Variants in RBM25 observed in about 807,000 individuals in gnomAD.
RBM25 encodes the protein RNA-binding protein 25.
RBM25 carries 19 observed loss-of-function variants against 120.7 expected under a neutral mutation model. That is an observed-to-expected ratio of 0.16 (90% confidence interval 0.11 to 0.23). The LOEUF (loss-of-function observed/expected upper bound fraction) is 0.23, where lower values mean the gene tolerates loss of function less well. RBM25 is among the 10% of genes least tolerant of loss of function. The pLI is 1.00. For missense variants in RBM25, 605 were observed against 1,041.5 expected (o/e 0.58, Z 5.77); for synonymous variants, 390 against 326.7 (o/e 1.19, Z -2.09).
chr14:73,111,249 T>TG (rs1896305308), intron 15 of RBM25, 94 bp downstream of exon 15: 11 of 1,114,190 alleles, frequency 9.9e-6, no homozygotes, highest in South Asian at 4.9e-5. Context: ...TATTTGTGCT[T>TG]GGTTAGGTAG....
chr14:73,103,579 T>A, intron 10 of RBM25, 101 bp downstream of exon 10: 1 of 1,468,736 alleles, frequency 6.8e-7, no homozygotes, highest in Non-Finnish European at 9.0e-7. Context: ...AACTTTTGTG[T>A]GTGTGTGAGA....
chr14:73,073,743 T>G (rs761710217), intron 2 of RBM25, among the ~76,000 whole-genome samples: 6 of 152,236 alleles, frequency 3.9e-5, no homozygotes, highest in Non-Finnish European at 8.8e-5. Flanking sequence ...TGGAATAGAA[T>G]GCAGTACTTT....
Position 73,106,059 on chromosome 14 carries a change from A to G in RBM25, c.1355A>G (p.Glu452Gly). ...AGAAAACTTGAAAGAAAACTCCGAGAGAAAGAAGCTGCTTATCAAGAGGTA... is the reference window on the plus strand; with the variant it reads ...AGAAAACTTGAAAGAAAACTCCGAGGGAAAGAAGCTGCTTATCAAGAGGTA... ...ERRKLERKLR[E>G]KEAAYQERLK... The change falls in exon 11 of 19, where the codon GAG becomes GGG. Residue 452 changes from glutamate to glycine, a missense_variant. Around this residue, in one of 4 missense-constraint regions of RBM25, gnomAD observed 465 missense variants for 741.6 expected, o/e 0.63. Coordinates refer to ENST00000261973, the MANE Select transcript of RBM25 (RefSeq NM_021239.3). The G allele has an allele frequency of 6.2e-7, 1 of 1,609,076 alleles. No individual in the cohort carries two copies. The highest frequency in any genetic ancestry group is 8.5e-7 in the Non-Finnish European group (1 of 1,178,966).
intron 18 of RBM25, 125 bp from the exon 19 acceptor site, chr14:73,119,588 A>T: frequency 1.3e-6 from 2 of 1,509,994 alleles, no homozygotes; most frequent in Non-Finnish European, 1.8e-6. Flanking sequence ...TAAAATCTTA[A>T]CTAGCATTTA....
intron 12 of RBM25, 113 bp from the exon 13 acceptor site, chr14:73,107,709 TCTCC>T: frequency 2.7e-6 from 2 of 729,338 alleles, no homozygotes; most frequent in Non-Finnish European, 4.7e-6. Context: ...TTCCTATAAG[TCTCC>T]CTCTTACTCT....
rs1409621104 is a variant in RBM25 at position 73,112,108 on chromosome 14, C to T, written c.2293-44C>T. 3 of 1,496,974 alleles carry T rather than the reference C, an allele frequency of 2.0e-6. No individual in the cohort carries two copies. In the African/African-American group the frequency reaches 4.2e-5, roughly 21 times the overall value. 92.7% of individuals were successfully genotyped at this position (1,496,974 alleles called of 1,614,324 possible). A position where few individuals can be genotyped will look rare whatever the true frequency, so the allele number is the denominator to read the frequency against. ...CATGAAGCTTTAATAACTGTTATAGCAAGTTACAATTCTTTAATTCAGTAA... is the reference window on the plus strand; with the variant it reads ...CATGAAGCTTTAATAACTGTTATAGTAAGTTACAATTCTTTAATTCAGTAA... On this transcript the variant is annotated intron_variant, in intron 16 of 18. Transcript: ENST00000261973.
In RBM25 at chr14:73,103,986, A is replaced by ACT. The variant is rs1566597544; in HGVS notation, c.1154+509_1154+510insTC. On this transcript the variant is annotated intron_variant, in intron 10 of 18. Coordinates refer to ENST00000261973, the MANE Select transcript of RBM25 (RefSeq NM_021239.3). ...CACACACACACACACACACACACACACACACACACTCTCTCTCTCTCTCTC... is the reference window on the plus strand; with the variant it reads ...CACACACACACACACACACACACACACTCACACACACTCTCTCTCTCTCTCTC... 4.2e-3 allele frequency among the ~76,000 whole-genome samples: 491 copies of ACT among 117,786 alleles called. 5 individuals carry two copies. The highest frequency in any genetic ancestry group is 0.017 in the African/African-American group (474 of 28,440). 77.3% of individuals were successfully genotyped at this position (117,786 alleles called of 152,430 possible).
chr14:73,066,453 A>G (rs527960745), intron 1 of RBM25, among the ~76,000 whole-genome samples: 3 of 152,236 alleles, frequency 2.0e-5, no homozygotes, highest in African/African-American at 7.2e-5. Context: ...CTGGCCATAC[A>G]TGGTGAAACC....
At position 73,103,472 on chromosome 14, in the gene RBM25, G is replaced by T; in HGVS notation, c.1148G>T (p.Arg383Leu). ...TCAGATCGTAATAAGGATCGCAGTC[G>T]ATCAAGGTAAGGCTTTACAGAAGTT... ...RSSDRNKDRS[R>L]SREKSRDRER... The change falls in exon 10 of 19, where the codon CGA becomes CTA. Residue 383 changes from arginine (R) to leucine (L), a missense_variant. Physicochemically the swap from Arg to Leu is moderately radical, Grantham distance 102 (BLOSUM62 -2). Coordinates refer to ENST00000261973, the MANE Select transcript of RBM25 (RefSeq NM_021239.3). The T allele has an allele frequency of 6.3e-7, 1 of 1,592,886 alleles. No individual in the cohort carries two copies. Among genetic ancestry groups the T allele is most frequent in the Non-Finnish European group, 8.5e-7 (1 of 1,170,848 alleles).
intron 5 of RBM25, among the ~76,000 whole-genome samples, chr14:73,086,545 A>G (rs1047789797): frequency 9.9e-5 from 15 of 152,030 alleles, no homozygotes; most frequent in Admixed American, 7.2e-4. Context: ...GTTTTGTCAT[A>G]TATTTGTATC....
At chr14:73,076,506 A>G in intron 3 of RBM25, 138 bp downstream of exon 3, 2 of 739,802 alleles carry the variant, frequency 2.7e-6, no homozygotes, top group Non-Finnish European at 4.4e-6. Flanking sequence ...TGTAGAGCAT[A>G]TCATTTATTT....
chr14:73,093,673 A>G (rs930481550), intron 6 of RBM25, among the ~76,000 whole-genome samples: 17 of 151,228 alleles, frequency 1.1e-4, no homozygotes, highest in Non-Finnish European at 1.9e-4. Context: ...CGCCTGGCTA[A>G]TTTTTTGTAT....
intron 6 of RBM25, among the ~76,000 whole-genome samples, chr14:73,092,575 T>C (rs563052855): frequency 6.6e-6 from 1 of 151,266 alleles, no homozygotes; most frequent in South Asian, 2.1e-4. Flanking sequence ...TAAATTTTCT[T>C]GCCTTTTTTT....
At chr14:73,109,302 CG>C in intron 13 of RBM25, 39 bp from the exon 14 acceptor site, 1 of 1,584,720 alleles carries the variant, frequency 6.3e-7, no homozygotes, top group Non-Finnish European at 8.6e-7. Flanking sequence ...TCTCAATGAT[CG>C]GAGTATTAAA....
At chr14:73,118,834 T>C (rs1896487189) in intron 18 of RBM25, among the ~76,000 whole-genome samples, 1 of 152,134 alleles carries the variant, frequency 6.6e-6, no homozygotes. Context: ...AGTGGCATGA[T>C]CTTGGCTCAC....
chr14:73,080,999 A>G (rs181068684), intron 4 of RBM25, among the ~76,000 whole-genome samples: 2 of 149,878 alleles, frequency 1.3e-5, no homozygotes, highest in Admixed American at 6.6e-5. Flanking sequence ...TAATTTTTGT[A>G]TTTTCAGTAG....
chr14:73,092,240 T>A (rs1594917514), intron 6 of RBM25, among the ~76,000 whole-genome samples: 1 of 112,372 alleles, frequency 8.9e-6, no homozygotes, highest in African/African-American at 3.4e-5. Flanking sequence ...AGTCGGAGAG[T>A]GAGAGATTGG....
intron 5 of RBM25, among the ~76,000 whole-genome samples, chr14:73,085,681 A>G (rs569088853): frequency 2.6e-5 from 4 of 151,124 alleles, no homozygotes; most frequent in Non-Finnish European, 5.9e-5. Flanking sequence ...ACGTGACTTC[A>G]GGTGATCCGC....
intron 6 of RBM25, among the ~76,000 whole-genome samples, chr14:73,090,948 C>T (rs1267123540): frequency 6.6e-6 from 1 of 152,072 alleles, no homozygotes; most frequent in Non-Finnish European, 1.5e-5. Flanking sequence ...TCACTAAAAC[C>T]TCAAAAAACA....
Sources: gnomAD v4.1 joint callset for allele counts (sites outside exome capture counted in the v4.1 genomes callset) on GRCh38, gnomAD v4.1.1 for gene constraint, gnomAD v4.1.1 regional missense constraint, MANE v1.5 for transcripts, NCBI Gene and HGNC (gene_info 2026-07-23, HGNC 2026-07-21) for gene names.